HOGA1: variants seen among roughly 807,000 people sequenced by gnomAD.
HOGA1 encodes the protein 4-hydroxy-2-oxoglutarate aldolase, mitochondrial.
A neutral mutation model predicts 34.3 loss-of-function variants in HOGA1; 30 were observed. The observed-to-expected ratio is 0.87, with a 90% CI of 0.65 to 1.19. The LOEUF is 1.19. HOGA1 is among the 50% of genes most tolerant of loss of function. The pLI is 0.00. For synonymous variants in HOGA1, 161 were observed against 174.0 expected, an observed-to-expected ratio of 0.93 and a Z score of 0.59; for missense variants, 417 against 436.5, an observed-to-expected ratio of 0.96 and a Z score of 0.40.
chr10:97,602,248 G>A, intron 6 of HOGA1: 12 of 1,467,136 alleles, frequency 8.2e-6, no homozygotes, highest in Non-Finnish European at 1.1e-5. Flanking sequence ...CAACTTTTGG[G>A]CCCAAGAAGA....
chr10:97,588,324 A>G (rs1466360572), intron 1 of HOGA1, among the ~76,000 whole-genome samples: 1 of 150,562 alleles, frequency 6.6e-6, no homozygotes, highest in Non-Finnish European at 1.5e-5. Flanking sequence ...CAGCCTCCTG[A>G]GTAGCTGGGA....
intron 1 of HOGA1, chr10:97,590,104 C>G (rs760465262): frequency 1.2e-6 from 2 of 1,614,118 alleles, no homozygotes; most frequent in Non-Finnish European, 1.7e-6. Context: ...GTGAAGAGGT[C>G]AGCTCCACGG....
chr10:97,609,568 T>G (rs1007419050), intron 6 of HOGA1, among the ~76,000 whole-genome samples: 5 of 152,032 alleles, frequency 3.3e-5, no homozygotes, highest in Non-Finnish European at 5.9e-5. Context: ...GAGAACAGCT[T>G]GATGTCACTC....
At chr10:97,592,043 T>C (rs948488654) in intron 1 of HOGA1, among the ~76,000 whole-genome samples, 6 of 151,416 alleles carry the variant, frequency 4.0e-5, no homozygotes, top group Non-Finnish European at 7.4e-5. Flanking sequence ...GGTTTTGCCA[T>C]GTTGCCCAGG....
rs1351801204 is a variant in HOGA1, at chr10:97,603,473, C to T, written c.834+1483C>T. 6.6e-6 allele frequency among the ~76,000 whole-genome samples: 1 copy of T among 152,070 alleles called. No individual in the cohort carries two copies. The highest frequency in any genetic ancestry group is 1.5e-5 in the Non-Finnish European group (1 of 68,016). ...TATCTCCTGGGCTCAAGCAGTCCTC[C>T]CACCTCAGCCTCCCAAAATGCTGAG... On this transcript the variant is annotated intron_variant, in intron 6 of 6. Coordinates refer to ENST00000370646, the MANE Select transcript of HOGA1 (RefSeq NM_138413.4). This position sits in a 1 kb window ranked among gnomAD's most constrained non-coding sequence, Gnocchi z 4.5.
At chr10:97,598,629 C>A in intron 1 of HOGA1, 146 bp from the exon 2 acceptor site, 1 of 1,046,470 alleles carries the variant, frequency 9.6e-7, no homozygotes, top group Non-Finnish European at 1.5e-6. Flanking sequence ...ATGATGTGAA[C>A]AGTCATTGCA....
At chr10:97,588,332 G>A (rs1393870021) in intron 1 of HOGA1, among the ~76,000 whole-genome samples, 3 of 151,546 alleles carry the variant, frequency 2.0e-5, no homozygotes, top group Non-Finnish European at 4.4e-5. Context: ...TGAGTAGCTG[G>A]GACTACAGGC....
At chr10:97,589,780 C>T (rs560755279) in intron 1 of HOGA1, 45 of 745,460 alleles carry the variant, frequency 6.0e-5, no homozygotes, top group Non-Finnish European at 8.3e-5. Context: ...GATCACCCAG[C>T]GTGCTCTTAG....
chr10:97,607,564 G>A (rs1589912308), intron 6 of HOGA1, among the ~76,000 whole-genome samples: 5 of 152,340 alleles, frequency 3.3e-5, no homozygotes, highest in Admixed American at 6.5e-5. Context: ...GCCAGGGTAC[G>A]TAGCACTGTG....
chr10:97,596,946 T>C (rs909578359), intron 1 of HOGA1, among the ~76,000 whole-genome samples: 1 of 152,182 alleles, frequency 6.6e-6, no homozygotes, highest in Non-Finnish European at 1.5e-5. Context: ...TCTTTTGGGT[T>C]CTACATGTCT....
chr10:97,605,746 ACTAT>A (rs1172641716), intron 6 of HOGA1, among the ~76,000 whole-genome samples: 1 of 152,060 alleles, frequency 6.6e-6, no homozygotes, highest in African/African-American at 2.4e-5. Flanking sequence ...TTTTCAGTCA[ACTAT>A]CTATATTTCT....
At chr10:97,601,022 G>T (rs1479930612) in intron 5 of HOGA1, 5 of 152,422 alleles carry the variant, frequency 3.3e-5, no homozygotes, top group African/African-American at 7.2e-5. Context: ...ACTGAGTAAT[G>T]CTGGGCAAAG....
chr10:97,606,818 G>C (rs2041161387), intron 6 of HOGA1, among the ~76,000 whole-genome samples: 1 of 152,094 alleles, frequency 6.6e-6, no homozygotes. Context: ...ATTGCGTTAA[G>C]CCTGCATACC....
chr10:97,600,464 A>C, intron 5 of HOGA1: 1 of 468,362 alleles, frequency 2.1e-6, no homozygotes, highest in Non-Finnish European at 3.9e-6. Context: ...AGCTGCTCTA[A>C]TCCCACCTTG....
intron 1 of HOGA1, among the ~76,000 whole-genome samples, chr10:97,596,836 A>G (rs1274340132): frequency 6.6e-6 from 1 of 152,204 alleles, no homozygotes; most frequent in Non-Finnish European, 1.5e-5. Flanking sequence ...TGGAGTCTAC[A>G]TCACACAGTG....
chr10:97,602,408 G>A, intron 6 of HOGA1: 1 of 985,374 alleles, frequency 1.0e-6, no homozygotes, highest in Non-Finnish European at 1.2e-6. Context: ...ACTGGGGCTG[G>A]CAAAGGAGTT....
intron 6 of HOGA1, among the ~76,000 whole-genome samples, chr10:97,611,016 G>A (rs1225867009): frequency 6.6e-6 from 1 of 152,172 alleles, no homozygotes; most frequent in Non-Finnish European, 1.5e-5. Flanking sequence ...TTTAGTGTTA[G>A]GGTCAGGAGG....
At chr10:97,584,991 G>T in intron 1 of HOGA1, 77 bp downstream of exon 1, 1 of 1,253,486 alleles carries the variant, frequency 8.0e-7, no homozygotes, top group Non-Finnish European at 1.2e-6. Context: ...AGGGTACACA[G>T]GCTCTGTCAA....
chr10:97,610,681 T>A (rs1391031064), intron 6 of HOGA1, among the ~76,000 whole-genome samples: 1 of 152,002 alleles, frequency 6.6e-6, no homozygotes, highest in Non-Finnish European at 1.5e-5. Context: ...GTGCCTGTAA[T>A]CTCAGCTACT....
Sources: gnomAD v4.1 joint callset for allele counts (sites outside exome capture counted in the v4.1 genomes callset) on GRCh38, gnomAD v4.1.1 for gene constraint, Gnocchi (gnomAD v3.1) non-coding constraint, MANE v1.5 for transcripts, NCBI Gene and HGNC (gene_info 2026-07-23, HGNC 2026-07-21) for gene names.